MAP1A: variants seen among roughly 807,000 people sequenced by gnomAD.
The protein encoded by MAP1A is microtubule-associated protein 1A.
A neutral mutation model predicts 185.9 loss-of-function variants in MAP1A; 42 were observed. The observed-to-expected ratio is 0.23, with a 90% CI of 0.18 to 0.29. The LOEUF is 0.29. MAP1A is among the 10% of genes least tolerant of loss of function. The pLI is 1.00. For synonymous variants in MAP1A, 1,229 were observed against 1,335.9 expected (o/e 0.92, Z 1.74); for missense variants, 2,995 against 3,450.4 (o/e 0.87, Z 3.31).
rs1485197392 is a variant in MAP1A, at chr15:43,521,052, C to A, written c.-211C>A. The A allele has an allele frequency of 1.3e-6, 2 of 1,550,278 alleles. No individual in the cohort carries two copies. The highest frequency in any genetic ancestry group is 2.7e-5 in the African/African-American group (2 of 73,056). ...AAAGTTTAGAGCCTGGGGGAGACCTCATCCTACAGAGTGGCACCTACTCAT... is the reference window on the plus strand; with the variant it reads ...AAAGTTTAGAGCCTGGGGGAGACCTAATCCTACAGAGTGGCACCTACTCAT... On this transcript the variant is annotated 5_prime_UTR_variant, in exon 3 of 6. Coordinates refer to ENST00000300231, the MANE Select transcript of MAP1A (RefSeq NM_002373.6). This position sits in a 1 kb window ranked among gnomAD's most constrained non-coding sequence, Gnocchi z 4.6.
chr15:43,529,961 C>G lies in MAP1A; in HGVS notation c.8256+91C>G. The G allele has an allele frequency of 6.4e-7, 1 of 1,552,878 alleles. No individual in the cohort carries two copies. The highest frequency in any genetic ancestry group is 8.8e-7 in the Non-Finnish European group (1 of 1,131,862). ...CAGTCCCTATTTATTAAAGGATGGG[C>G]CTTTTCTAAGGGCAGCAGAGCTGCT... On this transcript the variant is annotated intron_variant, in intron 5 of 5. Coordinates refer to ENST00000300231, the MANE Select transcript of MAP1A (RefSeq NM_002373.6). This position sits in a 1 kb window ranked among gnomAD's most constrained non-coding sequence, Gnocchi z 4.3.
At chr15:43,512,119 A>G in intron 1 of MAP1A, 1 of 827,498 alleles carries the variant, frequency 1.2e-6, no homozygotes, top group South Asian at 1.4e-5. Context: ...TGAACTTGAA[A>G]GTGTTCCTGC....
In MAP1A at chr15:43,527,230, A is replaced by T. The variant is rs2079348563; in HGVS notation, c.5757A>T (p.Glu1919Asp). 2.5e-6 allele frequency: 4 copies of T among 1,614,124 alleles called. No homozygotes were observed. The highest frequency in any genetic ancestry group is 3.4e-6 in the Non-Finnish European group (4 of 1,179,990). ...AGGCTGAAGGGGAAAGGGAAGAAGA[A>T]GGTAGGGCTGAGGCTCCTGACAAAA... ...YRKAEGEREE[E>D]GRAEAPDKSS... Residue 1919 changes from glutamate (E) to aspartate (D), a missense_variant, in exon 4 of 6, where the codon GAA (glutamate) becomes GAT (aspartate). By Grantham distance (45) the Glu-to-Asp change is conservative. This residue lies in a region of MAP1A where 2,728 missense variants were observed against 2,986.0 expected (regional missense o/e 0.91). Transcript: ENST00000300231.
Position 43,524,755 on chromosome 15 carries a change from G to C in MAP1A, c.3282G>C (p.Gln1094His), listed in dbSNP as rs375713875. Residue 1094 changes from glutamine to histidine, a missense_variant, in exon 4 of 6, where the codon CAG (glutamine) becomes CAC (histidine). By Grantham distance (24) the Gln-to-His change is conservative. Transcript: ENST00000300231. ...TGCTIQLLPA[Q>H]DKAIVFEIME... ...GTACCATTCAACTGTTGCCAGCACAGGATAAAGCAATAGTCTTTGAGATTA... is the reference window on the plus strand; with the variant it reads ...GTACCATTCAACTGTTGCCAGCACACGATAAAGCAATAGTCTTTGAGATTA... The C allele has an allele frequency of 2.6e-5, 42 of 1,614,004 alleles. No homozygotes were observed. Among genetic ancestry groups the C allele is most frequent in the Non-Finnish European group, 3.3e-5 (39 of 1,180,008 alleles).
Position 43,529,007 on chromosome 15 carries a change from G to C in MAP1A, c.7534G>C (p.Asp2512His). Reference sequence around the variant, plus strand: ...CAGTGACTCAGGCTCCTCACAGTCAGATTCTGATGTCCCGCCAGAAACTGA... The same window carrying C: ...CAGTGACTCAGGCTCCTCACAGTCACATTCTGATGTCCCGCCAGAAACTGA... ...SASDSGSSQS[D>H]SDVPPETEEC... Residue 2512 changes from aspartate to histidine, a missense_variant, in exon 4 of 6, where the codon GAT (aspartate) becomes CAT (histidine). Asp to His is a moderately conservative substitution (Grantham distance 81). Coordinates refer to ENST00000300231, the MANE Select transcript of MAP1A (RefSeq NM_002373.6). This position sits in a 1 kb window ranked among gnomAD's most constrained non-coding sequence, Gnocchi z 4.3. 1.2e-6 allele frequency: 2 copies of C among 1,613,764 alleles called. No individual in the cohort carries two copies. The highest frequency in any genetic ancestry group is 8.5e-7 in the Non-Finnish European group (1 of 1,180,012).
At chr15:43,513,054 G>A (rs1229245366), upstream of MAP1A, among the ~76,000 whole-genome samples, 2 of 152,160 alleles carry the variant, frequency 1.3e-5, no homozygotes, top group African/African-American at 4.8e-5. Context: ...CTAAGGCCGG[G>A]CACAGTGCTC....
intron 1 of MAP1A, chr15:43,511,229 G>A: frequency 6.5e-7 from 1 of 1,549,148 alleles, no homozygotes; most frequent in Non-Finnish European, 8.7e-7. Context: ...TGAACAAGGT[G>A]AGCCACTGTT....
In MAP1A at chr15:43,524,344, A is replaced by G. The variant is rs750015128; in HGVS notation, c.2871A>G (p.Gln957=). The change falls in exon 4 of 6, where the codon CAA becomes CAG. Residue 957 remains glutamine, a synonymous_variant. Transcript: ENST00000300231. ...NVEMSEKLCS[Q]YGTPVFSAPG... ...AGATGTCTGAGAAACTTTGCAGTCA[A>G]TATGGAACTCCAGTGTTTAGTGCCC... 3.7e-6 allele frequency: 6 copies of G among 1,614,116 alleles called. No individual in the cohort carries two copies. The highest frequency in any genetic ancestry group is 1.6e-4 in the Middle Eastern group (1 of 6,084).
In MAP1A at chr15:43,521,462, A is replaced by G. The variant is rs2079318907; in HGVS notation, c.-12A>G. 6.2e-7 allele frequency: 1 copy of G among 1,613,996 alleles called. No homozygotes were observed. The highest frequency in any genetic ancestry group is 2.2e-5 in the East Asian group (1 of 44,868). ...GCACCTCCGGCTAAACCCTGAGCCC[A>G]CTCTGCCCACCATGGACGGCGTGGC... On this transcript the variant is annotated 5_prime_UTR_variant, in exon 4 of 6. Transcript: ENST00000300231. This position sits in a 1 kb window ranked among gnomAD's most constrained non-coding sequence, Gnocchi z 4.6.
chr15:43,521,527 A>G lies in MAP1A; in HGVS notation c.54A>G (p.Pro18=). The change falls in exon 4 of 6, where the codon CCA becomes CCG. Residue 18 remains proline, a synonymous_variant. Coordinates refer to ENST00000300231, the MANE Select transcript of MAP1A (RefSeq NM_002373.6). The surrounding 1 kb of genome is among the most constrained non-coding windows in gnomAD (Gnocchi z 4.6). ...SEYVSETVDV[P]SPFDLLEPPT... Reference sequence around the variant, plus strand: ...ATGTCTCTGAGACTGTGGACGTGCCATCCCCATTTGACCTACTAGAGCCCC... The same window carrying G: ...ATGTCTCTGAGACTGTGGACGTGCCGTCCCCATTTGACCTACTAGAGCCCC... 7 of 1,614,146 alleles carry G rather than the reference A, an allele frequency of 4.3e-6. No individual in the cohort carries two copies. The highest frequency in any genetic ancestry group is 5.9e-6 in the Non-Finnish European group (7 of 1,180,026).
rs1320844186 is a variant in MAP1A, at chr15:43,528,703, G to A, written c.7230G>A (p.Glu2410=). 4.3e-6 allele frequency: 7 copies of A among 1,613,638 alleles called. No homozygotes were observed. Among genetic ancestry groups the A allele is most frequent in the Non-Finnish European group, 5.1e-6 (6 of 1,179,984 alleles). ...SSRPDTLLSP[E]QPVCPAGGSG... is the part of the protein sequence containing the mutation. ...GGCCTGACACATTGCTCTCCCCTGA[G>A]CAGCCAGTGTGTCCTGCAGGGGGCT... The change falls in exon 4 of 6, where the codon GAG becomes GAA. Residue 2410 remains glutamate, a synonymous_variant. Coordinates refer to ENST00000300231, the MANE Select transcript of MAP1A (RefSeq NM_002373.6).
chr15:43,522,946 T>C lies in MAP1A; in HGVS notation c.1473T>C (p.Ala491=). ...GAGTCAAAATAGACAGGAGCCGTGC[T>C]ATCCGTGGGGAGAAGGAGCTGTCTT... The part of the protein sequence containing the change: ...PGRVKIDRSR[A]IRGEKELSSE... Residue 491 remains alanine (A), a synonymous_variant, in exon 4 of 6, where the codon GCT becomes GCC. Transcript: ENST00000300231. This position sits in a 1 kb window ranked among gnomAD's most constrained non-coding sequence, Gnocchi z 5.9. The C allele has an allele frequency of 1.9e-6, 3 of 1,614,140 alleles. No individual in the cohort carries two copies. The highest frequency in any genetic ancestry group is 2.5e-6 in the Non-Finnish European group (3 of 1,179,988).
In MAP1A at chr15:43,526,156, G is replaced by T. The variant is rs377276319; in HGVS notation, c.4683G>T (p.Lys1561Asn). Residue 1561 changes from lysine (K) to asparagine (N), a missense_variant, in exon 4 of 6, where the codon AAG becomes AAT. Coordinates refer to ENST00000300231, the MANE Select transcript of MAP1A (RefSeq NM_002373.6). The surrounding 1 kb of genome is among the most constrained non-coding windows in gnomAD (Gnocchi z 4.7). Reference sequence around the variant, plus strand: ...AAAAATACTGGGCTTTGGGACAGAAGGATGAAGCCCTGGAACAAAACATTC... The same window carrying T: ...AAAAATACTGGGCTTTGGGACAGAATGATGAAGCCCTGGAACAAAACATTC... ...LEQKYWALGQ[K>N]DEALEQNIQA... 1.1e-5 allele frequency: 17 copies of T among 1,613,746 alleles called. No homozygotes were observed. In the African/African-American group the frequency reaches 1.9e-4, roughly 18 times the overall value.
In MAP1A at chr15:43,525,406, C is replaced by G. The variant is rs182020053; in HGVS notation, c.3933C>G (p.Ser1311Arg). Residue 1311 changes from serine (S) to arginine (R), a missense_variant, in exon 4 of 6, where the codon AGC (serine) becomes AGG (arginine). Physicochemically the swap from Ser to Arg is moderately radical, Grantham distance 110. Transcript: ENST00000300231. ...NGKYLPGAIT[S>R]PDEHILTPDS... is the part of the protein sequence containing the mutation. ...AGTACTTACCTGGGGCGATCACAAG[C>G]CCTGATGAACACATTCTGACACCTG... is the stretch of plus-strand genomic sequence containing the variant. 6.2e-7 allele frequency: 1 copy of G among 1,614,148 alleles called. No individual in the cohort carries two copies. Among genetic ancestry groups the G allele is most frequent in the East Asian group, 2.2e-5 (1 of 44,886 alleles).
At chr15:43,519,095 T>A (rs1168157778) in intron 1 of MAP1A, among the ~76,000 whole-genome samples, 1 of 152,192 alleles carries the variant, frequency 6.6e-6, no homozygotes, top group Non-Finnish European at 1.5e-5. Context: ...CTTATTTGTG[T>A]GGAGGGAGCT....
rs1351095542 is a variant in MAP1A, at chr15:43,522,728, G to C, written c.1255G>C (p.Glu419Gln). 2 of 1,583,320 alleles carry C rather than the reference G, an allele frequency of 1.3e-6. No homozygotes were observed. The change falls in exon 4 of 6, where the codon GAG becomes CAG. Residue 419 changes from glutamate (E) to glutamine (Q), a missense_variant. Physicochemically the swap from Glu to Gln is conservative, Grantham distance 29. Transcript: ENST00000300231. This position sits in a 1 kb window ranked among gnomAD's most constrained non-coding sequence, Gnocchi z 5.9. ...AAAGCTGGAAGAAAAAAAAGACAAGGAGAAAAAAGAGATCAAAAAGGAGAG... is the reference window on the plus strand; with the variant it reads ...AAAGCTGGAAGAAAAAAAAGACAAGCAGAAAAAAGAGATCAAAAAGGAGAG... ...ISKLEEKKDK[E>Q]KKEIKKERKE...
chr15:43,512,346 C>A, intron 2 of MAP1A: 1 of 1,290,316 alleles, frequency 7.8e-7, no homozygotes, highest in Non-Finnish European at 1.1e-6. Flanking sequence ...CACAGAGGTC[C>A]AGTCTCCCTG....
upstream of MAP1A, among the ~76,000 whole-genome samples, chr15:43,515,893 G>T (rs1338100192): frequency 1.3e-5 from 2 of 152,188 alleles, no homozygotes; most frequent in African/African-American, 4.8e-5. Context: ...GTTGTGGTGG[G>T]TAGCTGTTCA....
chr15:43,511,040 A>C lies in MAP1A; in HGVS notation c.52A>C (p.Thr18Pro), dbSNP rs762015338. 6.5e-6 allele frequency: 10 copies of C among 1,548,552 alleles called. No homozygotes were observed. The African/African-American group carries it at 9.6e-5, about 15-fold the overall frequency. Residue 18 changes from threonine (T) to proline (P), a missense_variant, in exon 1 of 7, where the codon ACT becomes CCT. Coordinates refer to the MAP1A transcript ENST00000382031. ...GCCTCACGGCGTTGCCATGGAGACA[A>C]CTCCGGGGCTGGGGCTCCGAAGTCC... is the stretch of plus-strand genomic sequence containing the variant.
Sources: gnomAD v4.1 joint callset for allele counts (sites outside exome capture counted in the v4.1 genomes callset) on GRCh38, gnomAD v4.1.1 for gene constraint, gnomAD v4.1.1 regional missense constraint, Gnocchi (gnomAD v3.1) non-coding constraint, MANE v1.5 for transcripts, NCBI Gene and HGNC (gene_info 2026-07-23, HGNC 2026-07-21) for gene names.